The following STPG2 variants were observed in gnomAD, a reference collection of about 807,000 sequenced individuals.
STPG2 encodes the protein sperm-tail PG-rich repeat-containing protein 2.
Under a neutral mutation model 54.2 loss-of-function variants are expected in STPG2, and 56 were observed. The observed-to-expected ratio is 1.03, with a 90% CI of 0.83 to 1.29. STPG2 has a LOEUF of 1.29. Ranked by LOEUF, STPG2 falls within the 50% of genes most tolerant of loss-of-function variation. The probability of loss-of-function intolerance (pLI) is 0.00; values close to 1 mark genes in which losing one functional copy is unlikely to be tolerated. For missense variants in STPG2, 596 were observed against 544.9 expected (o/e 1.09, Z -0.93); for synonymous variants, 200 against 181.8 (o/e 1.10, Z -0.81).
intron 10 of STPG2, among the ~76,000 whole-genome samples, chr4:97,608,440 T>A (rs982590486): frequency 6.6e-6 from 1 of 152,068 alleles, no homozygotes. Context: ...AATCGCTGCA[T>A]CCTTGCTGTA....
At chr4:97,832,830 A>G (rs1437921266) in intron 9 of STPG2, among the ~76,000 whole-genome samples, 1 of 152,204 alleles carries the variant, frequency 6.6e-6, no homozygotes, top group African/African-American at 2.4e-5. Flanking sequence ...TTCAAGGAGT[A>G]CTACAAACCA....
intron 4 of STPG2, among the ~76,000 whole-genome samples, chr4:97,455,039 AG>A (rs1359722313): frequency 3.3e-5 from 5 of 152,218 alleles, no homozygotes; most frequent in Non-Finnish European, 7.3e-5. Flanking sequence ...GGTGAAAAAA[AG>A]AAACAAACAG....
chr4:97,767,292 T>A (rs1431408027), intron 9 of STPG2, among the ~76,000 whole-genome samples: 2 of 152,154 alleles, frequency 1.3e-5, no homozygotes, highest in Non-Finnish European at 2.9e-5. Context: ...AACAACCCCA[T>A]GAAGAAGTGC....
At chr4:97,708,568 G>C (rs1466230581) in intron 10 of STPG2, among the ~76,000 whole-genome samples, 1 of 151,540 alleles carries the variant, frequency 6.6e-6, no homozygotes, top group African/African-American at 2.4e-5. Flanking sequence ...ACAAAGATCA[G>C]GTATAAAACT....
chr4:97,740,825 C>G (rs1188041141), intron 9 of STPG2, among the ~76,000 whole-genome samples: 1 of 152,150 alleles, frequency 6.6e-6, no homozygotes, highest in Non-Finnish European at 1.5e-5. Context: ...CCCCATCAAG[C>G]TACCAATGAC....
intron 10 of STPG2, among the ~76,000 whole-genome samples, chr4:97,686,057 A>C (rs1485851310): frequency 6.6e-6 from 1 of 152,222 alleles, no homozygotes; most frequent in Non-Finnish European, 1.5e-5. Flanking sequence ...AAGAAAAAGC[A>C]TGTTACTTAT....
At chr4:97,705,281 C>T (rs1723903936) in intron 10 of STPG2, among the ~76,000 whole-genome samples, 1 of 151,978 alleles carries the variant, frequency 6.6e-6, no homozygotes, top group African/African-American at 2.4e-5. Context: ...TTTTATATTT[C>T]ATATAAAATA....
intron 9 of STPG2, among the ~76,000 whole-genome samples, chr4:97,766,531 CTA>C (rs1224039417): frequency 6.6e-6 from 1 of 151,990 alleles, no homozygotes; most frequent in South Asian, 2.1e-4. Flanking sequence ...TATCTACAGT[CTA>C]TGTGTATTTG....
intron 10 of STPG2, among the ~76,000 whole-genome samples, chr4:97,634,112 G>T (rs1270008084): frequency 2.0e-5 from 3 of 152,186 alleles, no homozygotes; most frequent in Non-Finnish European, 4.4e-5. Context: ...TTTGAAGAGA[G>T]CAGGGGTTCT....
At chr4:98,067,477 A>G (rs1737870187) in intron 5 of STPG2, among the ~76,000 whole-genome samples, 1 of 152,078 alleles carries the variant, frequency 6.6e-6, no homozygotes, top group African/African-American at 2.4e-5. Context: ...TGATTATTAT[A>G]CAGCCAGAAG....
At chr4:97,881,289 A>T (rs1321049867) in intron 8 of STPG2, among the ~76,000 whole-genome samples, 13 of 152,130 alleles carry the variant, frequency 8.5e-5, no homozygotes. Flanking sequence ...ATTTTCCATA[A>T]GTCACTTAAC....
chr4:97,962,888 T>G (rs1733942764), intron 7 of STPG2, among the ~76,000 whole-genome samples: 1 of 152,110 alleles, frequency 6.6e-6, no homozygotes, highest in Non-Finnish European at 1.5e-5. Flanking sequence ...TGGCTGGGTG[T>G]GGTGGCTCAC....
At chr4:97,546,685 T>G (rs887285560) in intron 4 of STPG2, among the ~76,000 whole-genome samples, 1 of 152,148 alleles carries the variant, frequency 6.6e-6, no homozygotes, top group African/African-American at 2.4e-5. Flanking sequence ...TTTTAAAAAT[T>G]CATGAACCAA....
chr4:97,757,187 TC>T (rs1289719532), intron 9 of STPG2, among the ~76,000 whole-genome samples: 1 of 152,166 alleles, frequency 6.6e-6, no homozygotes, highest in African/African-American at 2.4e-5. Context: ...CTTGGTATGG[TC>T]CCTCTTATTT....
chr4:97,713,823 G>A lies in STPG2; in HGVS notation c.1205-1009C>T, dbSNP rs1311460136. The stretch of plus-strand genomic sequence containing the variant: ...CCTAGCTAGTATGACTTCACAGAGA[G>A]AAGATAGGGAGACGTAATTTTTTTT... On this transcript the variant is annotated intron_variant, in intron 9 of 10. Transcript: ENST00000295268. Among the ~76,000 whole-genome samples, 7 of 152,278 alleles carry A rather than the reference G, an allele frequency of 4.6e-5. No individual in the cohort carries two copies. In the South Asian group the frequency reaches 1.4e-3, roughly 32 times the overall value.
intron 4 of STPG2, among the ~76,000 whole-genome samples, chr4:97,447,964 AG>A (rs1488760737): frequency 6.6e-6 from 1 of 152,130 alleles, no homozygotes; most frequent in East Asian, 1.9e-4. Context: ...AGCCAGTGAA[AG>A]AACTGCCCAA....
At position 97,869,998 on chromosome 4, in the gene STPG2, G is replaced by C. The variant is rs1007440148; in HGVS notation, c.1045-29066C>G. 4.0e-5 allele frequency among the ~76,000 whole-genome samples: 6 copies of C among 151,278 alleles called. 1 individual carries two copies. The highest frequency in any genetic ancestry group is 4.1e-4 in the South Asian group (2 of 4,826). ...CTTCCTTCATTTAAAATTCTGCTCA[G>C]GTATTTCTTTCAACCAGCACACAAT... On this transcript the variant is annotated intron_variant, in intron 8 of 10. Transcript: ENST00000295268.
At chr4:97,932,035 T>A (rs536204643) in intron 8 of STPG2, among the ~76,000 whole-genome samples, 1 of 152,186 alleles carries the variant, frequency 6.6e-6, no homozygotes, top group Non-Finnish European at 1.5e-5. Context: ...TGTGTAGAGA[T>A]GTTTGCAGTA....
At chr4:97,766,396 G>C (rs930897337) in intron 9 of STPG2, among the ~76,000 whole-genome samples, 36 of 151,568 alleles carry the variant, frequency 2.4e-4, no homozygotes, top group Non-Finnish European at 4.6e-4. Context: ...AATAAAATAG[G>C]GTATAATAAA....
Sources: allele counts gnomAD v4.1 joint callset (sites outside exome capture counted in the v4.1 genomes callset), GRCh38; gene constraint gnomAD v4.1.1; transcripts MANE v1.5; gene names NCBI Gene and HGNC (gene_info 2026-07-23, HGNC 2026-07-21).